The following SOX6 variants were observed in gnomAD, a reference collection of about 807,000 sequenced individuals.
SOX6 encodes transcription factor SOX-6.
In SOX6, 11 loss-of-function variants were observed where a neutral mutation model predicts 97.8. The observed-to-expected ratio is 0.11, with a 90% CI of 0.07 to 0.19. The LOEUF (loss-of-function observed/expected upper bound fraction) is 0.19. Among genes scored for constraint, SOX6 ranks in the 10% least tolerant of loss-of-function variants. The probability of loss-of-function intolerance (pLI) is 1.00; values close to 1 mark genes in which losing one functional copy is unlikely to be tolerated. For missense variants in SOX6, 810 were observed against 1,039.5 expected (o/e 0.78, Z 3.04); for synonymous variants, 360 against 371.4 (o/e 0.97, Z 0.35).
intron 4 of SOX6, among the ~76,000 whole-genome samples, chr11:16,604,716 C>A (rs1848313434): frequency 6.6e-6 from 1 of 152,232 alleles, no homozygotes; most frequent in African/African-American, 2.4e-5. Flanking sequence ...AACAGCCCAG[C>A]CCCGCCAGTT....
chr11:16,050,008 A>G, intron 10 of SOX6, 70 bp from the exon 11 acceptor site: 1 of 1,531,410 alleles, frequency 6.5e-7, no homozygotes, highest in Non-Finnish European at 9.0e-7. Flanking sequence ...TTAGTAAGCC[A>G]CAGTTATTTT....
upstream of SOX6, among the ~76,000 whole-genome samples, chr11:16,478,560 C>T (rs1333849631): frequency 6.6e-6 from 1 of 152,148 alleles, no homozygotes; most frequent in African/African-American, 2.4e-5. Flanking sequence ...AACTGTGAAT[C>T]TCATTATCAA....
intron 1 of SOX6, among the ~76,000 whole-genome samples, chr11:16,393,949 A>G (rs1341593791): frequency 5.9e-5 from 9 of 152,010 alleles, no homozygotes; most frequent in Admixed American, 5.9e-4. Context: ...CATCTTATCT[A>G]GAAAGTTACA....
At chr11:16,652,915 A>G (rs1847672889) in intron 3 of SOX6, among the ~76,000 whole-genome samples, 1 of 152,182 alleles carries the variant, frequency 6.6e-6, no homozygotes. Context: ...ACAAATCAGC[A>G]AGAAAGAAAC....
At chr11:16,472,523 C>A (rs1317229090) in intron 1 of SOX6, among the ~76,000 whole-genome samples, 1 of 152,050 alleles carries the variant, frequency 6.6e-6, no homozygotes, top group Non-Finnish European at 1.5e-5. Context: ...ATCCAAATGA[C>A]CCCACAGTTT....
intron 6 of SOX6, among the ~76,000 whole-genome samples, chr11:16,144,759 A>G (rs1564980597): frequency 2.6e-5 from 4 of 152,242 alleles, no homozygotes; most frequent in African/African-American, 7.2e-5. Context: ...GAAGAAATGG[A>G]TAAATTCCTC....
At position 16,613,742 on chromosome 11, in the gene SOX6, G is replaced by C. The variant is rs1396457944; in HGVS notation, n.430-1482C>G. On this transcript the variant is annotated intron_variant and non_coding_transcript_variant, in intron 3 of 5. Transcript: ENST00000524520. This position sits in a 1 kb window ranked among gnomAD's most constrained non-coding sequence, Gnocchi z 4.6. The stretch of plus-strand genomic sequence containing the variant: ...AATTCAGCCCGCTCCAGAGCATCGG[G>C]GAAACTAGACTGTTCCGTGGATGAA... Among the ~76,000 whole-genome samples, 23 of 152,210 alleles carry C rather than the reference G, an allele frequency of 1.5e-4. No individual in the cohort carries two copies. Among genetic ancestry groups the C allele is most frequent in the Admixed American group, 1.5e-3 (23 of 15,286 alleles).
chr11:16,251,869 C>A (rs754258727), intron 3 of SOX6, among the ~76,000 whole-genome samples: 111 of 151,966 alleles, frequency 7.3e-4, no homozygotes, highest in Non-Finnish European at 1.9e-4. Context: ...TCCAGGAATG[C>A]GAAGTTGCTT....
exon 1 of SOX6, chr11:16,738,429 A>C: frequency 2.6e-6 from 1 of 386,746 alleles, no homozygotes; most frequent in Non-Finnish European, 4.9e-6. Flanking sequence ...GCTCACCGCC[A>C]TACACATCCG....
chr11:16,179,631 T>C (rs1851293858), intron 6 of SOX6, among the ~76,000 whole-genome samples: 1 of 151,926 alleles, frequency 6.6e-6, no homozygotes, highest in Non-Finnish European at 1.5e-5. Context: ...GGGCAATGAA[T>C]ATTGCACATT....
intron 6 of SOX6, among the ~76,000 whole-genome samples, chr11:16,119,889 G>GCTAGAGAAT (rs1849446040): frequency 2.0e-5 from 3 of 152,208 alleles, no homozygotes; most frequent in Admixed American, 2.0e-4. Context: ...AGAGAATCTA[G>GCTAGAGAAT]CTAGCCCAAC....
chr11:16,398,774 A>C (rs1317196336), intron 1 of SOX6, among the ~76,000 whole-genome samples: 1 of 150,568 alleles, frequency 6.6e-6, no homozygotes, highest in Non-Finnish European at 1.5e-5. Flanking sequence ...TTGCTACAAA[A>C]GGCCATGTTC....
intron 4 of SOX6, among the ~76,000 whole-genome samples, chr11:16,539,351 C>G (rs1179711624): frequency 6.6e-6 from 1 of 152,028 alleles, no homozygotes. Flanking sequence ...GCACTAAATG[C>G]CCACAAGAGA....
intron 15 of SOX6, among the ~76,000 whole-genome samples, chr11:15,978,771 G>A (rs1172001153): frequency 7.3e-6 from 1 of 137,910 alleles, no homozygotes; most frequent in South Asian, 2.3e-4. Context: ...TAGAATTTAG[G>A]AGCAAAGGGC....
At chr11:16,308,562 T>G (rs1014886727) in intron 3 of SOX6, among the ~76,000 whole-genome samples, 1 of 152,166 alleles carries the variant, frequency 6.6e-6, no homozygotes. Context: ...TTCCAGCTAA[T>G]GTCGACTGTT....
intron 4 of SOX6, among the ~76,000 whole-genome samples, chr11:16,504,385 CA>C (rs1860752692): frequency 6.6e-6 from 1 of 152,022 alleles, no homozygotes; most frequent in Non-Finnish European, 1.5e-5. Context: ...CCAACAAGTT[CA>C]GTGAAGTTTC....
At chr11:16,723,988 T>C (rs1333580780) in intron 2 of SOX6, among the ~76,000 whole-genome samples, 1 of 152,220 alleles carries the variant, frequency 6.6e-6, no homozygotes, top group Non-Finnish European at 1.5e-5. Context: ...CACTAGTTTG[T>C]ATACAAATTA....
chr11:16,261,499 A>G lies in SOX6; in HGVS notation c.446-26828T>C, dbSNP rs180731032. 7.0e-4 allele frequency among the ~76,000 whole-genome samples: 107 copies of G among 152,212 alleles called. 2 individuals are homozygous for G. Among genetic ancestry groups the G allele is most frequent in the Non-Finnish European group, 8.8e-5 (6 of 68,006 alleles). ...TCAAAGGGAGTACTGGTAGTAGTAG[A>G]GAGCCAAGTAAAAACGGGGAAAAAT... On this transcript the variant is annotated intron_variant, in intron 3 of 15. Coordinates refer to ENST00000683767, the MANE Select transcript of SOX6 (RefSeq NM_001367873.1).
intron 3 of SOX6, among the ~76,000 whole-genome samples, chr11:16,681,105 A>C (rs1344415046): frequency 6.6e-6 from 1 of 152,222 alleles, no homozygotes; most frequent in African/African-American, 2.4e-5. Flanking sequence ...TGGACCAAGC[A>C]GACCTAATAG....
Sources: gnomAD v4.1 joint callset for allele counts (sites outside exome capture counted in the v4.1 genomes callset) on GRCh38, gnomAD v4.1.1 for gene constraint, Gnocchi (gnomAD v3.1) non-coding constraint, MANE v1.5 for transcripts, NCBI Gene and HGNC (gene_info 2026-07-23, HGNC 2026-07-21) for gene names.